Variants in OLFM3 observed in about 807,000 individuals in gnomAD.
The protein encoded by OLFM3 is olfactomedin 3, also known as noelin-3.
In OLFM3, 20 loss-of-function variants were observed where a neutral mutation model predicts 48.6. The ratio of observed to expected loss-of-function variants is 0.41; its 90% CI spans 0.29 to 0.60. The LOEUF (loss-of-function observed/expected upper bound fraction) is 0.60. OLFM3 is among the 20% of genes least tolerant of loss of function. OLFM3 has a pLI of 0.28. For missense variants in OLFM3, 437 were observed against 544.3 expected, an observed-to-expected ratio of 0.80 and a Z score of 1.96; for synonymous variants, 222 against 198.1, an observed-to-expected ratio of 1.12 and a Z score of -1.01.
chr1:101,879,517 T>C (rs1657436290), intron 1 of OLFM3, among the ~76,000 whole-genome samples: 1 of 151,932 alleles, frequency 6.6e-6, no homozygotes, highest in African/African-American at 2.4e-5. Context: ...TATGTCTTAC[T>C]GTTAATGAGC....
intron 1 of OLFM3, among the ~76,000 whole-genome samples, chr1:101,995,095 A>C (rs1661522213): frequency 6.6e-6 from 1 of 152,092 alleles, no homozygotes; most frequent in African/African-American, 2.4e-5. Context: ...TAACAGACAA[A>C]TCAAATCACA....
chr1:101,969,260 C>T (rs1042509291), intron 1 of OLFM3, among the ~76,000 whole-genome samples: 2 of 152,058 alleles, frequency 1.3e-5, no homozygotes, highest in Non-Finnish European at 2.9e-5. Flanking sequence ...AGCGATCCTC[C>T]TGCCTTAGCC....
At chr1:101,880,923 C>A (rs1168429468) in intron 1 of OLFM3, among the ~76,000 whole-genome samples, 1 of 151,788 alleles carries the variant, frequency 6.6e-6, no homozygotes, top group African/African-American at 2.4e-5. Flanking sequence ...ACAGGCGAGA[C>A]CCTGTATGCA....
intron 4 of OLFM3, 67 bp from the exon 5 acceptor site, chr1:101,806,249 C>T (rs1653771098): frequency 1.7e-6 from 2 of 1,180,820 alleles, no homozygotes; most frequent in Non-Finnish European, 2.5e-6. Flanking sequence ...CATACTCACA[C>T]TAAGAGCAAA....
At position 101,891,214 on chromosome 1, in the gene OLFM3, G is replaced by T. The variant is rs1449576573; in HGVS notation, c.70-54189C>A. On this transcript the variant is annotated intron_variant, in intron 1 of 5. Coordinates refer to ENST00000370103, the MANE Select transcript of OLFM3 (RefSeq NM_058170.4). Reference sequence around the variant, plus strand: ...GGATTTAGCTAGAGATTTTAAATTTGCACTAGTTAATCCATCCCATGAATC... The same window carrying T: ...GGATTTAGCTAGAGATTTTAAATTTTCACTAGTTAATCCATCCCATGAATC... Among the ~76,000 whole-genome samples the T allele has an allele frequency of 2.0e-5, 3 of 151,854 alleles. No individual in the cohort carries two copies. In the East Asian group the frequency reaches 5.8e-4, roughly 29 times the overall value.
intron 1 of OLFM3, among the ~76,000 whole-genome samples, chr1:101,876,926 G>A (rs978261775): frequency 6.6e-6 from 1 of 151,774 alleles, no homozygotes; most frequent in African/African-American, 2.4e-5. Flanking sequence ...ATCTAGCTCT[G>A]TCACCCTCTT....
intron 1 of OLFM3, among the ~76,000 whole-genome samples, chr1:101,864,798 T>C (rs978618454): frequency 1.3e-5 from 2 of 152,168 alleles, no homozygotes; most frequent in Non-Finnish European, 2.9e-5. Flanking sequence ...CAAACACTTG[T>C]GGTCAACTTC....
chr1:101,809,354 A>T (rs2100865797), intron 4 of OLFM3, among the ~76,000 whole-genome samples: 1 of 152,070 alleles, frequency 6.6e-6, no homozygotes, highest in South Asian at 2.1e-4. Flanking sequence ...GTCACATGCA[A>T]ACAGGTAGAA....
intron 1 of OLFM3, among the ~76,000 whole-genome samples, chr1:101,845,203 AG>A (rs1655935594): frequency 6.6e-6 from 1 of 151,250 alleles, no homozygotes; most frequent in Non-Finnish European, 1.5e-5. Context: ...TTTTTTGCAA[AG>A]GGGGGAATCA....
chr1:101,803,329 A>G lies in OLFM3; in HGVS notation c.*909T>C, dbSNP rs1426100350. 1 of 152,100 alleles carries G rather than the reference A, an allele frequency of 6.6e-6. No individual in the cohort carries two copies. Among genetic ancestry groups the G allele is most frequent in the Admixed American group, 6.6e-5 (1 of 15,194 alleles). 9.4% of individuals were successfully genotyped at this position (152,100 alleles called of 1,614,324 possible). A position where few individuals can be genotyped will look rare whatever the true frequency, so the allele number is the denominator to read the frequency against. On this transcript the variant is annotated 3_prime_UTR_variant, in exon 6 of 6. Transcript: ENST00000370103. ...AATGAGTAGAGTCAACTCAAATCCA[A>G]TATTTGGAATCCAGATGCACCTTGT...
At chr1:101,965,777 G>A (rs1216203433) in intron 1 of OLFM3, among the ~76,000 whole-genome samples, 2 of 152,114 alleles carry the variant, frequency 1.3e-5, no homozygotes, top group South Asian at 4.1e-4. Flanking sequence ...TATATTTTAT[G>A]TACTGAAGAG....
At chr1:101,964,433 A>G (rs1660555210) in intron 1 of OLFM3, among the ~76,000 whole-genome samples, 1 of 152,158 alleles carries the variant, frequency 6.6e-6, no homozygotes, top group South Asian at 2.1e-4. Context: ...AGAATAGAAT[A>G]TGTTTTTGCA....
intron 1 of OLFM3, among the ~76,000 whole-genome samples, chr1:101,964,032 T>C (rs1660543296): frequency 6.6e-6 from 1 of 152,210 alleles, no homozygotes; most frequent in Non-Finnish European, 1.5e-5. Context: ...AAAATAAACT[T>C]TATGCTTATA....
intron 1 of OLFM3, among the ~76,000 whole-genome samples, chr1:101,922,923 C>A (rs1158379281): frequency 6.6e-6 from 1 of 152,102 alleles, no homozygotes; most frequent in Non-Finnish European, 1.5e-5. Flanking sequence ...AGCTGACATC[C>A]AATAATTCAT....
intron 2 of OLFM3, among the ~76,000 whole-genome samples, chr1:101,836,663 G>A (rs938452774): frequency 8.6e-5 from 13 of 151,748 alleles, no homozygotes; most frequent in Non-Finnish European, 1.5e-5. Context: ...GTCTTAAGGT[G>A]GCAAGGTTAG....
chr1:101,984,771 T>G (rs1661191506), intron 1 of OLFM3, among the ~76,000 whole-genome samples: 1 of 152,210 alleles, frequency 6.6e-6, no homozygotes, highest in Non-Finnish European at 1.5e-5. Context: ...ATGTCTATGG[T>G]CTTTCTAATT....
intron 1 of OLFM3, among the ~76,000 whole-genome samples, chr1:101,855,259 C>A (rs962901): frequency 1.3e-4 from 19 of 151,864 alleles, no homozygotes; most frequent in Non-Finnish European, 1.8e-4. Context: ...TCGTTTAATC[C>A]TCAGACAAAC....
chr1:101,943,803 T>C (rs1659866218), intron 1 of OLFM3, among the ~76,000 whole-genome samples: 1 of 152,124 alleles, frequency 6.6e-6, no homozygotes, highest in African/African-American at 2.4e-5. Flanking sequence ...TGCACAGGTA[T>C]ATCTAAAGGA....
intron 1 of OLFM3, among the ~76,000 whole-genome samples, chr1:101,880,255 G>T (rs1657467812): frequency 6.6e-6 from 1 of 151,644 alleles, no homozygotes; most frequent in African/African-American, 2.4e-5. Context: ...TTTTAACTTG[G>T]ATACCTGCTA....
Sources: gnomAD v4.1 joint callset for allele counts (sites outside exome capture counted in the v4.1 genomes callset) on GRCh38, gnomAD v4.1.1 for gene constraint, MANE v1.5 for transcripts, NCBI Gene and HGNC (gene_info 2026-07-23, HGNC 2026-07-21) for gene names.